ZC3H8: variants seen among roughly 807,000 people sequenced by gnomAD.
The protein encoded by ZC3H8 is zinc finger CCCH-type containing 8, also known as zinc finger CCCH domain-containing protein 8.
In ZC3H8, 27 loss-of-function variants were observed where a neutral mutation model predicts 42.5. That is an observed-to-expected ratio of 0.64 (90% CI 0.47 to 0.88). The LOEUF is 0.88. Among genes scored for constraint, ZC3H8 ranks in the 40% least tolerant of loss-of-function variants. ZC3H8 has a pLI of 0.00. For missense variants in ZC3H8, 277 were observed against 336.1 expected (o/e 0.82, Z 1.37); for synonymous variants, 101 against 110.1 (o/e 0.92, Z 0.52).
At chr2:112,227,770 C>T (rs1334798030) in intron 8 of ZC3H8, among the ~76,000 whole-genome samples, 3 of 152,118 alleles carry the variant, frequency 2.0e-5, no homozygotes, top group Non-Finnish European at 4.4e-5. Context: ...AAAAAGTGTA[C>T]ACTGTACACT....
intron 1 of ZC3H8, among the ~76,000 whole-genome samples, chr2:112,250,906 T>G (rs1685923870): frequency 6.6e-6 from 1 of 152,162 alleles, no homozygotes; most frequent in Admixed American, 6.5e-5. Context: ...AAAACTGTTT[T>G]CAGACTTACA....
chr2:112,219,884 A>G (rs1684511049), intron 8 of ZC3H8, among the ~76,000 whole-genome samples: 1 of 152,192 alleles, frequency 6.6e-6, no homozygotes, highest in East Asian at 1.9e-4. Context: ...TCCCACTATT[A>G]TTGTGTGGTT....
intron 4 of ZC3H8, among the ~76,000 whole-genome samples, chr2:112,235,762 G>A (rs1685291015): frequency 6.6e-6 from 1 of 152,028 alleles, no homozygotes; most frequent in Admixed American, 6.6e-5. Flanking sequence ...GGGGAGTGGG[G>A]AGATTCAGTA....
intron 2 of ZC3H8, among the ~76,000 whole-genome samples, chr2:112,240,982 T>TGC (rs1316024177): frequency 6.4e-5 from 9 of 140,638 alleles, no homozygotes; most frequent in Non-Finnish European, 1.2e-4. Context: ...TGTGTGTGTG[T>TGC]GTGCGCGTGT....
Position 112,238,455 on chromosome 2 carries a change from C to T in ZC3H8, c.230G>A (p.Ser77Asn). 1.2e-6 allele frequency: 2 copies of T among 1,613,400 alleles called. No individual in the cohort carries two copies. The highest frequency in any genetic ancestry group is 1.7e-6 in the Non-Finnish European group (2 of 1,179,862). ...KSRSKDYDVY[S>N]DNDICSQESE... ...TTCCTGACTGCAGATATCATTATCA[C>T]TATATACATCATAGTCCTTACTTCT... The change falls in exon 3 of 9, where the codon AGT becomes AAT. Residue 77 changes from serine to asparagine, a missense_variant. Ser to Asn is a conservative substitution (Grantham distance 46, BLOSUM62 1). Transcript: ENST00000409573.
At chr2:112,254,783 T>G in intron 1 of ZC3H8, 125 bp downstream of exon 1, 1 of 1,146,320 alleles carries the variant, frequency 8.7e-7, no homozygotes, top group South Asian at 1.5e-5. Context: ...CCGGCCCACG[T>G]GCTCCCCACG....
chr2:112,252,933 G>C (rs1471110680), intron 1 of ZC3H8, among the ~76,000 whole-genome samples: 1 of 152,156 alleles, frequency 6.6e-6, no homozygotes, highest in Non-Finnish European at 1.5e-5. Flanking sequence ...CACAAGGTCA[G>C]GAGATCGAGA....
intron 2 of ZC3H8, among the ~76,000 whole-genome samples, chr2:112,241,014 T>TGA (rs1685564245): frequency 6.6e-6 from 1 of 151,092 alleles, no homozygotes; most frequent in Admixed American, 6.6e-5. Context: ...GTGTTTTGTG[T>TGA]GTGTGTGTGT....
At chr2:112,254,678 C>G (rs1210443636) in intron 1 of ZC3H8, among the ~76,000 whole-genome samples, 15 of 152,240 alleles carry the variant, frequency 9.9e-5, no homozygotes. Context: ...CTCTCGACAG[C>G]CCCGGCCCTG....
At chr2:112,226,571 A>C (rs1684847835) in intron 8 of ZC3H8, among the ~76,000 whole-genome samples, 1 of 132,264 alleles carries the variant, frequency 7.6e-6, no homozygotes, top group South Asian at 2.4e-4. Flanking sequence ...CCTGGGCAAC[A>C]GAGCCAAGAC....
intron 3 of ZC3H8, among the ~76,000 whole-genome samples, chr2:112,237,742 C>CT (rs1275849474): frequency 1.3e-5 from 2 of 151,628 alleles, no homozygotes; most frequent in African/African-American, 4.8e-5. Flanking sequence ...TACCCTGATA[C>CT]TTTTTTTTAT....
intron 2 of ZC3H8, among the ~76,000 whole-genome samples, chr2:112,240,834 C>T (rs771501714): frequency 5.3e-5 from 8 of 151,964 alleles, no homozygotes; most frequent in Admixed American, 1.3e-4. Context: ...AAAAAGCATA[C>T]GAACATGATT....
chr2:112,226,618 T>C (rs1003564739), intron 8 of ZC3H8, among the ~76,000 whole-genome samples: 17 of 139,366 alleles, frequency 1.2e-4, no homozygotes, highest in African/African-American at 4.6e-4. Context: ...TCAGGCCCAG[T>C]TGTCTTACTG....
intron 2 of ZC3H8, among the ~76,000 whole-genome samples, chr2:112,248,732 T>A (rs1002753283): frequency 6.6e-6 from 1 of 152,184 alleles, no homozygotes; most frequent in African/African-American, 2.4e-5. Flanking sequence ...GAATATACAT[T>A]ACCTTTGTTA....
chr2:112,232,291 G>A (rs985199792), intron 6 of ZC3H8, among the ~76,000 whole-genome samples: 1 of 147,074 alleles, frequency 6.8e-6, no homozygotes, highest in East Asian at 2.0e-4. Context: ...CTCCAGCCTG[G>A]GCAACAGAGC....
At chr2:112,254,454 G>A (rs1686056962) in intron 1 of ZC3H8, among the ~76,000 whole-genome samples, 1 of 152,152 alleles carries the variant, frequency 6.6e-6, no homozygotes, top group African/African-American at 2.4e-5. Context: ...CAATAAACTT[G>A]TGGTTTCATC....
At chr2:112,218,802 G>T (rs1684451696) in intron 8 of ZC3H8, among the ~76,000 whole-genome samples, 1 of 152,046 alleles carries the variant, frequency 6.6e-6, no homozygotes, top group South Asian at 2.1e-4. Flanking sequence ...GCAGATTTTT[G>T]ACTGCATCTA....
At chr2:112,251,422 C>G (rs904565340) in intron 1 of ZC3H8, among the ~76,000 whole-genome samples, 11 of 152,136 alleles carry the variant, frequency 7.2e-5, no homozygotes, top group Non-Finnish European at 1.5e-4. Flanking sequence ...TTACAAGAAC[C>G]AAAAACCCCA....
In ZC3H8 at chr2:112,254,899, T is replaced by G. The variant is rs373544658; in HGVS notation, c.74+9A>C. On this transcript the variant is annotated intron_variant, in intron 1 of 8. Transcript: ENST00000409573. ...CCTGCATTCAAAAGATGAAAAGATA[T>G]GGGATCACCTTTCGTCAGAGTCCGT... 1 of 1,613,048 alleles carries G rather than the reference T, an allele frequency of 6.2e-7. No individual in the cohort carries two copies. The highest frequency in any genetic ancestry group is 1.3e-5 in the African/African-American group (1 of 75,008).
Sources: gnomAD v4.1 joint callset for allele counts (sites outside exome capture counted in the v4.1 genomes callset) on GRCh38, gnomAD v4.1.1 for gene constraint, MANE v1.5 for transcripts, NCBI Gene and HGNC (gene_info 2026-07-23, HGNC 2026-07-21) for gene names.